CLYBL: variants seen among roughly 807,000 people sequenced by gnomAD.
CLYBL encodes citramalyl-CoA lyase, mitochondrial.
In CLYBL, 31 loss-of-function variants were observed where a neutral mutation model predicts 38.9. That is an observed-to-expected ratio of 0.80 (90% CI 0.60 to 1.08). CLYBL has a LOEUF of 1.08. CLYBL is among the 50% of genes least tolerant of loss of function. The pLI is 0.00. For synonymous variants in CLYBL, 171 were observed against 158.6 expected, an observed-to-expected ratio of 1.08 and a Z score of -0.59; for missense variants, 434 against 411.6, an observed-to-expected ratio of 1.05 and a Z score of -0.47.
chr13:99,790,022 C>G (rs896154816), intron 2 of CLYBL, among the ~76,000 whole-genome samples: 4 of 152,024 alleles, frequency 2.6e-5, no homozygotes, highest in Non-Finnish European at 4.4e-5. Context: ...ATTGCAACCC[C>G]TGCCTTTTTT....
At chr13:99,902,437 CT>C (rs1262942988) in intron 8 of CLYBL, among the ~76,000 whole-genome samples, 2 of 152,292 alleles carry the variant, frequency 1.3e-5, no homozygotes, top group Middle Eastern at 3.4e-3. Flanking sequence ...AATGAATGGG[CT>C]ATGAATTTGC....
intron 1 of CLYBL, among the ~76,000 whole-genome samples, chr13:99,747,787 G>A (rs1399623223): frequency 1.3e-5 from 2 of 152,170 alleles, no homozygotes; most frequent in African/African-American, 4.8e-5. Flanking sequence ...TACCTTAGGA[G>A]GCCTTCCTTA....
chr13:99,677,623 C>A (rs2047673307), intron 1 of CLYBL, among the ~76,000 whole-genome samples: 1 of 152,116 alleles, frequency 6.6e-6, no homozygotes, highest in South Asian at 2.1e-4. Flanking sequence ...TGGTTCTTTG[C>A]CCAAAGTAAT....
At chr13:99,810,461 C>A (rs1180857208) in intron 2 of CLYBL, among the ~76,000 whole-genome samples, 5 of 151,922 alleles carry the variant, frequency 3.3e-5, no homozygotes, top group Non-Finnish European at 1.5e-5. Flanking sequence ...GGGGGAGGCA[C>A]ATGCCAAAGC....
At chr13:99,617,021 G>T (rs572361539) in intron 1 of CLYBL, among the ~76,000 whole-genome samples, 30 of 151,924 alleles carry the variant, frequency 2.0e-4, no homozygotes, top group South Asian at 1.7e-3. Flanking sequence ...AGAAAGTAAG[G>T]TTTCTATTTT....
intron 1 of CLYBL, among the ~76,000 whole-genome samples, chr13:99,753,455 G>A (rs1362531226): frequency 6.6e-6 from 1 of 152,176 alleles, no homozygotes; most frequent in Non-Finnish European, 1.5e-5. Context: ...AGAGGTGCGT[G>A]CAAGGCACAG....
Position 99,856,327 on chromosome 13 carries a change from G to A in CLYBL, c.250-2534G>A, listed in dbSNP as rs574396821. On this transcript the variant is annotated intron_variant, in intron 2 of 8. Coordinates refer to ENST00000339105, the MANE Select transcript of CLYBL (RefSeq NM_206808.5). ...AAGTTGATGTTGCCAGGGATCCTGC[G>A]TTCTTGAGCACACATGCAGATTAGA... Among the ~76,000 whole-genome samples, 9 of 152,272 alleles carry A rather than the reference G, an allele frequency of 5.9e-5. 1 individual carries two copies. Among genetic ancestry groups the A allele is most frequent in the South Asian group, 2.1e-4 (1 of 4,816 alleles).
chr13:99,798,158 G>T (rs746145084), intron 2 of CLYBL, among the ~76,000 whole-genome samples: 3 of 152,192 alleles, frequency 2.0e-5, no homozygotes, highest in Non-Finnish European at 4.4e-5. Context: ...ATCTGAAGAA[G>T]GAGGGAGGGA....
intron 2 of CLYBL, among the ~76,000 whole-genome samples, chr13:99,852,824 C>T (rs2051364656): frequency 1.3e-5 from 2 of 152,208 alleles, no homozygotes; most frequent in South Asian, 2.1e-4. Flanking sequence ...CCTATATTCT[C>T]CCATTAATGT....
chr13:99,901,658 GTTTGT>G (rs1213038478), downstream of CLYBL, among the ~76,000 whole-genome samples: 77 of 122,730 alleles, frequency 6.3e-4, 1 homozygote, highest in African/African-American at 2.1e-3. Context: ...TTTTTTTTTT[GTTTGT>G]TTGTTTGTTT....
chr13:99,606,792 C>G (rs1302527767), intron 1 of CLYBL, 35 bp downstream of exon 1: 14 of 1,355,148 alleles, frequency 1.0e-5, no homozygotes, highest in East Asian at 3.1e-5. Context: ...CCTTCCCGGC[C>G]CGGCTCGCCG....
At chr13:99,679,641 A>C (rs757403516) in intron 1 of CLYBL, among the ~76,000 whole-genome samples, 1 of 152,126 alleles carries the variant, frequency 6.6e-6, no homozygotes, top group Admixed American at 6.6e-5. Flanking sequence ...TAGATCTGCA[A>C]ATGACACATC....
intron 1 of CLYBL, among the ~76,000 whole-genome samples, chr13:99,694,056 AG>A (rs2047945206): frequency 6.6e-6 from 1 of 152,234 alleles, no homozygotes. Context: ...TGTAAATGGA[AG>A]GAAGCTAAGC....
chr13:99,725,502 T>A (rs2048457847), intron 1 of CLYBL, among the ~76,000 whole-genome samples: 1 of 152,218 alleles, frequency 6.6e-6, no homozygotes, highest in Non-Finnish European at 1.5e-5. Flanking sequence ...TGTTTTCTTT[T>A]ATTGACCAGC....
chr13:99,632,095 A>G (rs955726900), intron 1 of CLYBL, among the ~76,000 whole-genome samples: 4 of 152,170 alleles, frequency 2.6e-5, no homozygotes, highest in African/African-American at 7.2e-5. Context: ...GCGATGTTAG[A>G]GGGCAGAGGT....
intron 1 of CLYBL, among the ~76,000 whole-genome samples, chr13:99,752,194 G>A (rs1407707182): frequency 6.6e-6 from 1 of 152,188 alleles, no homozygotes; most frequent in African/African-American, 2.4e-5. Flanking sequence ...CCGACGGAGA[G>A]CATTAAATAA....
At chr13:99,880,068 A>ATATATATAT (rs34063235) in intron 7 of CLYBL, among the ~76,000 whole-genome samples, 1,470 of 101,114 alleles carry the variant, frequency 0.015, 16 homozygotes, top group Middle Eastern at 0.019. Flanking sequence ...ATATATATAT[A>ATATATATAT]TTTTTTTTTT....
intron 1 of CLYBL, among the ~76,000 whole-genome samples, chr13:99,765,710 A>G (rs141319150): frequency 5.9e-4 from 89 of 151,858 alleles, no homozygotes; most frequent in East Asian, 5.1e-3. Context: ...TGCCAGGCTA[A>G]TTTTTTGTAT....
downstream of CLYBL, chr13:99,896,298 C>G (rs1029166364): frequency 1.3e-5 from 2 of 152,170 alleles, no homozygotes; most frequent in African/African-American, 4.8e-5. Context: ...TGCTAGGAGC[C>G]CGAGAAACTA....
Sources: gnomAD v4.1 joint callset for allele counts (sites outside exome capture counted in the v4.1 genomes callset) on GRCh38, gnomAD v4.1.1 for gene constraint, MANE v1.5 for transcripts, NCBI Gene and HGNC (gene_info 2026-07-23, HGNC 2026-07-21) for gene names.